Variants in NKAIN3 observed in about 807,000 individuals in gnomAD.
The protein encoded by NKAIN3 is sodium/potassium-transporting ATPase subunit beta-1-interacting protein 3.
Under a neutral mutation model 30.2 loss-of-function variants are expected in NKAIN3, and 25 were observed. The ratio of observed to expected loss-of-function variants is 0.83; its 90% confidence interval spans 0.60 to 1.16. NKAIN3 has a LOEUF of 1.16. Ranked by LOEUF, NKAIN3 falls within the 50% of genes most tolerant of loss-of-function variation. NKAIN3 has a pLI of 0.00. For synonymous variants in NKAIN3, 91 were observed against 89.6 expected, an observed-to-expected ratio of 1.02 and a Z score of -0.09; for missense variants, 225 against 254.1, an observed-to-expected ratio of 0.89 and a Z score of 0.78.
chr8:62,903,485 C>T (rs367565456), intron 4 of NKAIN3, among the ~76,000 whole-genome samples: 11 of 152,132 alleles, frequency 7.2e-5, no homozygotes, highest in South Asian at 2.1e-4. Flanking sequence ...TTCTGCTGGG[C>T]GCACAAGATA....
intron 4 of NKAIN3, among the ~76,000 whole-genome samples, chr8:62,876,939 G>T (rs1411412317): frequency 2.0e-5 from 3 of 147,630 alleles, no homozygotes; most frequent in Non-Finnish European, 4.5e-5. Flanking sequence ...TTGTTTGGAA[G>T]AAATAAAGAA....
intron 1 of NKAIN3, among the ~76,000 whole-genome samples, chr8:62,484,788 C>A (rs188220175): frequency 6.6e-6 from 1 of 152,302 alleles, no homozygotes; most frequent in African/African-American, 2.4e-5. Context: ...TCTGATGTAG[C>A]CTCTGCTGCA....
At chr8:62,645,175 AC>A (rs138311125) in intron 3 of NKAIN3, among the ~76,000 whole-genome samples, 1 of 152,222 alleles carries the variant, frequency 6.6e-6, no homozygotes, top group African/African-American at 2.4e-5. Context: ...TTAACAGCGG[AC>A]CACTCTTCAA....
intron 3 of NKAIN3, among the ~76,000 whole-genome samples, chr8:62,746,044 A>G (rs1816058445): frequency 6.6e-6 from 1 of 152,216 alleles, no homozygotes; most frequent in African/African-American, 2.4e-5. Context: ...AACCTCAGAA[A>G]TTTATTCTCT....
At chr8:62,473,900 T>C (rs920301194) in intron 1 of NKAIN3, 4 of 152,192 alleles carry the variant, frequency 2.6e-5, no homozygotes, top group African/African-American at 9.7e-5. Flanking sequence ...TTTTAATATG[T>C]CTATTTTGTG....
chr8:62,919,129 T>C (rs928109691), intron 5 of NKAIN3, among the ~76,000 whole-genome samples: 10 of 150,362 alleles, frequency 6.7e-5, no homozygotes, highest in African/African-American at 2.4e-4. Context: ...TTTAGCACCA[T>C]AGGTCAACAA....
At chr8:62,306,612 G>A (rs1171487758) in intron 1 of NKAIN3, among the ~76,000 whole-genome samples, 1 of 147,838 alleles carries the variant, frequency 6.8e-6, no homozygotes, top group Non-Finnish European at 1.5e-5. Flanking sequence ...GGGGGAGGAG[G>A]GAGCAAAGTG....
At chr8:62,795,752 T>C (rs780888955) in intron 4 of NKAIN3, among the ~76,000 whole-genome samples, 4 of 152,204 alleles carry the variant, frequency 2.6e-5, no homozygotes, top group Admixed American at 2.0e-4. Flanking sequence ...TTCCCCATGT[T>C]AATCTAAATT....
intron 4 of NKAIN3, among the ~76,000 whole-genome samples, chr8:62,893,014 G>A (rs1306873741): frequency 6.6e-6 from 1 of 152,112 alleles, no homozygotes; most frequent in Non-Finnish European, 1.5e-5. Context: ...TTAATAAGAG[G>A]AAAATAAATT....
At chr8:62,760,568 T>C (rs1816620876) in intron 4 of NKAIN3, among the ~76,000 whole-genome samples, 1 of 144,818 alleles carries the variant, frequency 6.9e-6, no homozygotes, top group African/African-American at 2.6e-5. Context: ...TAGGTTGGAA[T>C]TGAACAATGA....
At chr8:62,581,660 T>C (rs547389236) in intron 2 of NKAIN3, among the ~76,000 whole-genome samples, 6 of 152,298 alleles carry the variant, frequency 3.9e-5, no homozygotes, top group Admixed American at 6.5e-5. Flanking sequence ...CTAAGAATAT[T>C]CTTGCCTGAT....
intron 1 of NKAIN3, among the ~76,000 whole-genome samples, chr8:62,318,333 A>G (rs1044966300): frequency 6.6e-6 from 1 of 152,076 alleles, no homozygotes; most frequent in Admixed American, 6.6e-5. Context: ...CCAACGTCCT[A>G]TGTTGAATAG....
intron 3 of NKAIN3, among the ~76,000 whole-genome samples, chr8:62,645,252 C>T (rs1035878184): frequency 1.3e-5 from 2 of 152,148 alleles, no homozygotes; most frequent in South Asian, 4.1e-4. Context: ...GCCAAATCTG[C>T]AGTTCTTTGA....
chr8:62,320,669 C>T (rs1585676155), intron 1 of NKAIN3, among the ~76,000 whole-genome samples: 2 of 152,366 alleles, frequency 1.3e-5, no homozygotes, highest in African/African-American at 4.8e-5. Context: ...CCCCCACTCT[C>T]TTCTGGCTTG....
intron 5 of NKAIN3, among the ~76,000 whole-genome samples, chr8:62,920,687 C>T (rs1421994176): frequency 1.3e-5 from 2 of 152,120 alleles, no homozygotes; most frequent in East Asian, 3.9e-4. Context: ...GGAGACTATT[C>T]TATTAGTGGT....
chr8:62,381,157 T>C (rs1269655312), intron 1 of NKAIN3, among the ~76,000 whole-genome samples: 1 of 152,186 alleles, frequency 6.6e-6, no homozygotes, highest in African/African-American at 2.4e-5. Flanking sequence ...TCCAAGGCTC[T>C]TTATCATTTC....
intron 1 of NKAIN3, among the ~76,000 whole-genome samples, chr8:62,423,944 A>G (rs984649757): frequency 2.0e-5 from 3 of 152,010 alleles, no homozygotes; most frequent in Non-Finnish European, 2.9e-5. Context: ...TTGTGGGAGT[A>G]GTTCTCCAGC....
chr8:62,877,382 A>G (rs1820831672), intron 4 of NKAIN3, among the ~76,000 whole-genome samples: 1 of 152,250 alleles, frequency 6.6e-6, no homozygotes, highest in Admixed American at 6.5e-5. Context: ...AAATGCAAAT[A>G]CACGAGACAG....
intron 1 of NKAIN3, among the ~76,000 whole-genome samples, chr8:62,262,067 C>T (rs1812459779): frequency 6.6e-6 from 1 of 152,008 alleles, no homozygotes; most frequent in African/African-American, 2.4e-5. Flanking sequence ...GGGCTTAGGT[C>T]AAACCTGTTG....
Sources: gnomAD v4.1 joint callset for allele counts (sites outside exome capture counted in the v4.1 genomes callset) on GRCh38, gnomAD v4.1.1 for gene constraint, MANE v1.5 for transcripts, NCBI Gene and HGNC (gene_info 2026-07-23, HGNC 2026-07-21) for gene names.